Variants in PACC1 observed in about 807,000 individuals in gnomAD.
PACC1 encodes the protein proton activated chloride channel 1, also known as proton-activated chloride channel.
In PACC1, 34 loss-of-function variants were observed where a neutral mutation model predicts 39.7. The observed-to-expected ratio is 0.86, with a 90% CI of 0.65 to 1.14. The LOEUF (loss-of-function observed/expected upper bound fraction) is 1.14. Among genes scored for constraint, PACC1 ranks in the 50% most tolerant of loss-of-function variants. The pLI, the probability that PACC1 is intolerant of heterozygous loss-of-function variation, is 0.00. For synonymous variants in PACC1, 127 were observed against 160.6 expected, an observed-to-expected ratio of 0.79 and a Z score of 1.58; for missense variants, 379 against 436.4, an observed-to-expected ratio of 0.87 and a Z score of 1.17.
At chr1:212,388,920 C>T (rs757856677) in intron 2 of PACC1, among the ~76,000 whole-genome samples, 10 of 152,150 alleles carry the variant, frequency 6.6e-5, no homozygotes, top group Non-Finnish European at 1.2e-4. Flanking sequence ...AGCATCTGAA[C>T]GTAAGCCCCA....
intron 2 of PACC1, among the ~76,000 whole-genome samples, chr1:212,388,082 G>T (rs1448540158): frequency 1.3e-5 from 2 of 150,176 alleles, no homozygotes; most frequent in Non-Finnish European, 3.0e-5. Flanking sequence ...AAAAAAGAAA[G>T]AAAGACATTT....
In PACC1 at chr1:212,381,477, C is replaced by T. The variant is rs1044468552; in HGVS notation, c.496-1440G>A. 5.3e-5 allele frequency among the ~76,000 whole-genome samples: 8 copies of T among 152,208 alleles called. No individual in the cohort carries two copies. The South Asian group carries it at 6.2e-4, about 12-fold the overall frequency. On this transcript the variant is annotated intron_variant, in intron 4 of 7. Transcript: ENST00000261455. ...CCTGGTTTCTATTATCCATTTCTTC[C>T]TTTAGTACTAGAATGGCTTTCCCAA...
intron 4 of PACC1, among the ~76,000 whole-genome samples, chr1:212,382,658 C>A (rs1353706612): frequency 6.6e-6 from 1 of 152,212 alleles, no homozygotes; most frequent in Non-Finnish European, 1.5e-5. Context: ...TGAAATCTCA[C>A]TGCAAACATA....
At chr1:212,407,050 A>T (rs941939025) in intron 2 of PACC1, among the ~76,000 whole-genome samples, 1 of 152,222 alleles carries the variant, frequency 6.6e-6, no homozygotes, top group Non-Finnish European at 1.5e-5. Context: ...GAACCTGTGA[A>T]TATGTCAAGT....
chr1:212,405,488 CAGA>C (rs537149227), intron 2 of PACC1, among the ~76,000 whole-genome samples: 1,760 of 152,334 alleles, frequency 0.012, 18 homozygotes, highest in Middle Eastern at 0.034. Context: ...AAGGAAGGCT[CAGA>C]AGGAGGGACA....
At chr1:212,410,404 C>G in intron 2 of PACC1, 21 bp downstream of exon 2, 1 of 1,611,674 alleles carries the variant, frequency 6.2e-7, no homozygotes, top group Non-Finnish European at 8.5e-7. Context: ...AACAGCACAG[C>G]AAAGCACCAA....
chr1:212,380,205 G>A (rs1249217816), intron 4 of PACC1, among the ~76,000 whole-genome samples, 168 bp from the exon 5 acceptor site: 1 of 152,142 alleles, frequency 6.6e-6, no homozygotes, highest in Non-Finnish European at 1.5e-5. Flanking sequence ...TCATTCCTGG[G>A]GAGTTTTCCC....
At chr1:212,387,258 C>T (rs1044371069) in intron 2 of PACC1, among the ~76,000 whole-genome samples, 158 bp from the exon 3 acceptor site, 2 of 152,090 alleles carry the variant, frequency 1.3e-5, no homozygotes, top group Admixed American at 1.3e-4. Flanking sequence ...ACAAAGGGCA[C>T]CTGTAAACAT....
chr1:212,410,159 G>T, intron 2 of PACC1: 1 of 418,782 alleles, frequency 2.4e-6, no homozygotes. Context: ...AGGAACAGAA[G>T]AGCAGAGATC....
At position 212,385,295 on chromosome 1, in the gene PACC1, G is replaced by A. The variant is rs139175375; in HGVS notation, c.474C>T (p.Asp158=). The change falls in exon 4 of 8, where the codon GAC becomes GAT. Residue 158 remains aspartate, a synonymous_variant. Coordinates refer to ENST00000261455, the MANE Select transcript of PACC1 (RefSeq NM_018252.3). ...NCTTQRINYT[D]PFSNQTVKSA... ...TTACCACAGTCTGATTGGAGAAGGG[G>A]TCCGTGTAGTTGATCCTCTGGGTGG... The A allele has an allele frequency of 5.3e-5, 85 of 1,614,094 alleles. 1 individual carries two copies. The East Asian group carries it at 1.6e-3, about 30-fold the overall frequency.
Position 212,414,799 on chromosome 1 carries a change from C to A in PACC1, c.-42G>T. 1 of 1,608,344 alleles carries A rather than the reference C, an allele frequency of 6.2e-7. No individual in the cohort carries two copies. Among genetic ancestry groups the A allele is most frequent in the Non-Finnish European group, 8.5e-7 (1 of 1,175,592 alleles). On this transcript the variant is annotated 5_prime_UTR_variant, in exon 1 of 8. Transcript: ENST00000261455. Reference sequence around the variant, plus strand: ...TCGGCACACCTGAGACCGCCCCAGCCCGCGGCGCACGGACGCAGCACTGCG... The same window carrying A: ...TCGGCACACCTGAGACCGCCCCAGCACGCGGCGCACGGACGCAGCACTGCG...
rs193280510 is a variant in PACC1 at position 212,403,034 on chromosome 1, C to T, written c.133+7391G>A. On this transcript the variant is annotated intron_variant, in intron 2 of 7. Coordinates refer to ENST00000261455, the MANE Select transcript of PACC1 (RefSeq NM_018252.3). ...TATATACAGTTGTTTCTATGGAGAA[C>T]TGATTGTAATGACTAATTAACCAAG... Among the ~76,000 whole-genome samples, 511 of 152,278 alleles carry T rather than the reference C, an allele frequency of 3.4e-3. 5 individuals are homozygous for T. Among genetic ancestry groups the T allele is most frequent in the African/African-American group, 0.012 (489 of 41,542 alleles).
intron 7 of PACC1, among the ~76,000 whole-genome samples, chr1:212,369,436 G>A (rs1177150058): frequency 1.3e-5 from 2 of 152,088 alleles, no homozygotes; most frequent in South Asian, 2.1e-4. Context: ...AAGACCCAAC[G>A]GTATGCTGCC....
intron 2 of PACC1, 75 bp downstream of exon 2, chr1:212,410,350 C>T (rs138638603): frequency 2.2e-6 from 3 of 1,377,498 alleles, no homozygotes; most frequent in Non-Finnish European, 3.1e-6. Flanking sequence ...CTCCTCCTCT[C>T]CCACAGTTGG....
intron 2 of PACC1, among the ~76,000 whole-genome samples, chr1:212,405,659 C>A (rs1159330441): frequency 1.3e-5 from 2 of 152,154 alleles, no homozygotes; most frequent in African/African-American, 4.8e-5. Context: ...GGAAAGCTCT[C>A]ATCTAGGAAC....
chr1:212,386,222 C>T lies in PACC1; in HGVS notation c.343+669G>A, dbSNP rs932586254. ...GCATCTGTGGGCAGAACAGGTGGCA[C>T]ACACTGGGTGGACAGGGCCCAAGTC... On this transcript the variant is annotated intron_variant, in intron 3 of 7. Coordinates refer to ENST00000261455, the MANE Select transcript of PACC1 (RefSeq NM_018252.3). The surrounding 1 kb of genome is among the most constrained non-coding windows in gnomAD (Gnocchi z 5.0). Among the ~76,000 whole-genome samples, 81 of 152,246 alleles carry T rather than the reference C, an allele frequency of 5.3e-4. No individual in the cohort carries two copies. The highest frequency in any genetic ancestry group is 1.9e-3 in the African/African-American group (81 of 41,544).
chr1:212,411,751 G>C (rs747131690), intron 1 of PACC1, among the ~76,000 whole-genome samples: 1 of 152,120 alleles, frequency 6.6e-6, no homozygotes, highest in Non-Finnish European at 1.5e-5. Flanking sequence ...CATCTCTTAC[G>C]AATCTATTCT....
At position 212,414,712 on chromosome 1, in the gene PACC1, A is replaced by G; in HGVS notation, c.36+10T>C. 10 of 1,612,566 alleles carry G rather than the reference A, an allele frequency of 6.2e-6. No individual in the cohort carries two copies. Among genetic ancestry groups the G allele is most frequent in the Non-Finnish European group, 8.5e-6 (10 of 1,179,224 alleles). On this transcript the variant is annotated intron_variant, in intron 1 of 7. Transcript: ENST00000261455. ...CTCAAACTTCCCTTCCGTCTCTCAC[A>G]ACCTCGTACCTCCTGGTAGGATGTG...
At chr1:212,365,760 C>T (rs979130180) in intron 7 of PACC1, among the ~76,000 whole-genome samples, 3 of 152,136 alleles carry the variant, frequency 2.0e-5, no homozygotes, top group Non-Finnish European at 4.4e-5. Context: ...ACTGACTCCT[C>T]CCTATAATAA....
Sources: allele counts gnomAD v4.1 joint callset (sites outside exome capture counted in the v4.1 genomes callset), GRCh38; gene constraint gnomAD v4.1.1; non-coding constraint Gnocchi (gnomAD v3.1); transcripts MANE v1.5; gene names NCBI Gene and HGNC (gene_info 2026-07-23, HGNC 2026-07-21).